GRIP1: variants seen among roughly 807,000 people sequenced by gnomAD.
GRIP1 encodes glutamate receptor-interacting protein 1.
GRIP1 carries 45 observed loss-of-function variants against 129.9 expected under a neutral mutation model. The ratio of observed to expected loss-of-function variants is 0.35; its 90% CI spans 0.27 to 0.44. The LOEUF (loss-of-function observed/expected upper bound fraction) is 0.44, where lower values mean the gene tolerates loss of function less well. Among genes scored for constraint, GRIP1 ranks in the 20% least tolerant of loss-of-function variants. The pLI is 1.00. For synonymous variants in GRIP1, 530 were observed against 520.8 expected, an observed-to-expected ratio of 1.02 and a Z score of -0.24; for missense variants, 1,196 against 1,396.8, an observed-to-expected ratio of 0.86 and a Z score of 2.29.
intron 1 of GRIP1, among the ~76,000 whole-genome samples, chr12:66,914,826 G>A (rs2137329054): frequency 6.6e-6 from 1 of 152,244 alleles, no homozygotes; most frequent in African/African-American, 2.4e-5. Flanking sequence ...TCAGGGAGCT[G>A]AATTAAATCA....
At chr12:66,874,641 A>C (rs1002160185) in intron 1 of GRIP1, among the ~76,000 whole-genome samples, 11 of 151,790 alleles carry the variant, frequency 7.2e-5, no homozygotes, top group Non-Finnish European at 1.6e-4. Context: ...GAGCAGAAGG[A>C]AGAGAGAGAG....
At chr12:66,449,247 A>G (rs1263633322) in intron 11 of GRIP1, among the ~76,000 whole-genome samples, 1 of 152,224 alleles carries the variant, frequency 6.6e-6, no homozygotes, top group Non-Finnish European at 1.5e-5. Flanking sequence ...AGTGCCTGGA[A>G]GATTCAACAA....
intron 1 of GRIP1, among the ~76,000 whole-genome samples, chr12:66,690,072 T>A (rs114279047): frequency 6.6e-6 from 1 of 151,880 alleles, no homozygotes; most frequent in Non-Finnish European, 1.5e-5. Context: ...GCAAATGCCA[T>A]CACACATGGC....
At chr12:66,451,410 T>G (rs1300573386) in intron 11 of GRIP1, among the ~76,000 whole-genome samples, 2 of 90,562 alleles carry the variant, frequency 2.2e-5, no homozygotes, top group East Asian at 3.7e-4. Flanking sequence ...TTTTTTTTTT[T>G]TTTTTTTTTT....
At chr12:66,480,416 A>G (rs1246683871) in intron 7 of GRIP1, among the ~76,000 whole-genome samples, 6 of 152,212 alleles carry the variant, frequency 3.9e-5, no homozygotes, top group Non-Finnish European at 1.5e-5. Context: ...AAGAGAGTAC[A>G]AAAACAAATG....
chr12:66,597,030 G>T, intron 1 of GRIP1, 103 bp from the exon 2 acceptor site: 1 of 836,864 alleles, frequency 1.2e-6, no homozygotes, highest in Non-Finnish European at 2.1e-6. Context: ...AAGTGGTACA[G>T]TACAGTGGAA....
At chr12:66,896,992 G>A (rs12578856) in intron 1 of GRIP1, among the ~76,000 whole-genome samples, 33,027 of 152,190 alleles carry the variant, frequency 0.22, 4,284 homozygotes, top group East Asian at 0.3. Flanking sequence ...GTGGTTACAC[G>A]TGCAGGCTCG....
chr12:66,987,720 C>T (rs906153574), intron 1 of GRIP1, among the ~76,000 whole-genome samples: 1 of 152,158 alleles, frequency 6.6e-6, no homozygotes, highest in Non-Finnish European at 1.5e-5. Flanking sequence ...AGTCATAAGG[C>T]CACAGTGTGT....
intron 1 of GRIP1, among the ~76,000 whole-genome samples, chr12:66,865,806 T>C (rs1374249311): frequency 2.0e-5 from 3 of 152,168 alleles, no homozygotes; most frequent in Non-Finnish European, 4.4e-5. Context: ...TATGCTTTTC[T>C]TCCTATATTT....
chr12:66,735,649 GA>G (rs2036571088), intron 1 of GRIP1, among the ~76,000 whole-genome samples: 1 of 152,134 alleles, frequency 6.6e-6, no homozygotes, highest in African/African-American at 2.4e-5. Context: ...CAAGAGAGGA[GA>G]AAACCTGAGA....
intron 13 of GRIP1, among the ~76,000 whole-genome samples, chr12:66,433,707 C>G (rs1323479366): frequency 6.6e-6 from 1 of 152,200 alleles, no homozygotes; most frequent in East Asian, 1.9e-4. Context: ...GAGATAGCAT[C>G]TATTCATGCT....
chr12:66,512,326 A>ATAGAAGATGTGG (rs1047444834), intron 7 of GRIP1, among the ~76,000 whole-genome samples: 4 of 152,130 alleles, frequency 2.6e-5, no homozygotes, highest in African/African-American at 9.7e-5. Flanking sequence ...TCAGAAGAAG[A>ATAGAAGATGTGG]TAGAAGATGT....
At chr12:66,868,296 AGAG>A (rs1405125106) in intron 1 of GRIP1, among the ~76,000 whole-genome samples, 1 of 152,162 alleles carries the variant, frequency 6.6e-6, no homozygotes, top group Non-Finnish European at 1.5e-5. Flanking sequence ...CCACTGAGAT[AGAG>A]GAGAAGAAAG....
chr12:67,032,747 T>C (rs2043041346), intron 1 of GRIP1, among the ~76,000 whole-genome samples: 2 of 152,150 alleles, frequency 1.3e-5, no homozygotes, highest in South Asian at 4.1e-4. Context: ...TGCCTCTGGT[T>C]GAAAAGCACA....
intron 1 of GRIP1, among the ~76,000 whole-genome samples, chr12:67,021,962 T>C (rs577638116): frequency 5.3e-5 from 8 of 152,320 alleles, no homozygotes; most frequent in African/African-American, 1.9e-4. Context: ...GACTCATCCA[T>C]GTTGCTGTGA....
intron 1 of GRIP1, among the ~76,000 whole-genome samples, chr12:66,953,594 G>GA (rs2041794298): frequency 6.6e-6 from 1 of 152,122 alleles, no homozygotes; most frequent in East Asian, 1.9e-4. Flanking sequence ...AAATAATAGA[G>GA]AAGGCAGGCT....
At chr12:66,723,243 C>T (rs151126181) in intron 1 of GRIP1, among the ~76,000 whole-genome samples, 66 of 6,274 alleles carry the variant, frequency 0.011, 3 homozygotes, top group Middle Eastern at 0.12. Context: ...TCTCTCTCTT[C>T]CTTCCTTCCT....
intron 1 of GRIP1, among the ~76,000 whole-genome samples, chr12:66,667,682 C>A (rs1178120666): frequency 6.6e-6 from 1 of 152,138 alleles, no homozygotes; most frequent in Non-Finnish European, 1.5e-5. Context: ...CTCAACTCCA[C>A]ACCAAAATGG....
intron 1 of GRIP1, among the ~76,000 whole-genome samples, chr12:66,710,596 G>A (rs561205097): frequency 1.6e-4 from 24 of 151,976 alleles, no homozygotes; most frequent in Non-Finnish European, 3.1e-4. Context: ...CTTTCCTTGA[G>A]AATTTACTGT....
Sources: gnomAD v4.1 joint callset for allele counts (sites outside exome capture counted in the v4.1 genomes callset) on GRCh38, gnomAD v4.1.1 for gene constraint, MANE v1.5 for transcripts, NCBI Gene and HGNC (gene_info 2026-07-23, HGNC 2026-07-21) for gene names.